Variants in TRIM33 observed in about 807,000 individuals in gnomAD.
TRIM33 encodes tripartite motif containing 33.
A neutral mutation model predicts 125.4 loss-of-function variants in TRIM33; 20 were observed. The observed-to-expected ratio is 0.16, with a 90% confidence interval of 0.11 to 0.23. The LOEUF (loss-of-function observed/expected upper bound fraction) is 0.23, where lower values mean the gene tolerates loss of function less well. TRIM33 is among the 10% of genes least tolerant of loss of function. TRIM33 has a pLI of 1.00. For missense variants in TRIM33, 920 were observed against 1,411.4 expected (o/e 0.65, Z 5.58); for synonymous variants, 564 against 513.9 (o/e 1.10, Z -1.32).
chr1:114,500,586 T>C (rs1181710020), intron 1 of TRIM33, among the ~76,000 whole-genome samples: 4 of 151,042 alleles, frequency 2.6e-5, no homozygotes, highest in African/African-American at 9.8e-5. Context: ...AAGGTTTGTC[T>C]TGGAAAAAGA....
In TRIM33 at chr1:114,395,278, A is replaced by T; in HGVS notation, c.*2370T>A. 1 of 204,952 alleles carries T rather than the reference A, an allele frequency of 4.9e-6. No homozygotes were observed. The highest frequency in any genetic ancestry group is 1.0e-5 in the Non-Finnish European group (1 of 100,110). 12.7% of individuals were successfully genotyped at this position (204,952 alleles called of 1,614,324 possible). On this transcript the variant is annotated 3_prime_UTR_variant, in exon 20 of 20. Transcript: ENST00000358465. Reference sequence around the variant, plus strand: ...TATCTTAACAGAAGTGGAGGCTATTAAATGTTGACAAAAAAGTGGCTTTTA... The same window carrying T: ...TATCTTAACAGAAGTGGAGGCTATTTAATGTTGACAAAAAAGTGGCTTTTA...
chr1:114,503,646 A>G lies in TRIM33; in HGVS notation c.526+6905T>C, dbSNP rs1037396174. 2.6e-5 allele frequency among the ~76,000 whole-genome samples: 4 copies of G among 152,118 alleles called. No homozygotes were observed. The East Asian group carries it at 7.7e-4, about 29-fold the overall frequency. On this transcript the variant is annotated intron_variant, in intron 1 of 19. Transcript: ENST00000358465. ...TTCACGTTCATTAATATCACCACCA[A>G]TCTCTTCAGGAAAGTCTTTAAATAC...
chr1:114,436,820 G>A (rs543653311), intron 4 of TRIM33, among the ~76,000 whole-genome samples: 2 of 152,194 alleles, frequency 1.3e-5, no homozygotes, highest in East Asian at 1.9e-4. Context: ...TTGTTCCTTC[G>A]TGAAAGAGCA....
intron 1 of TRIM33, among the ~76,000 whole-genome samples, chr1:114,507,340 C>T (rs1570692694): frequency 6.6e-6 from 1 of 152,152 alleles, no homozygotes; most frequent in African/African-American, 2.4e-5. Flanking sequence ...GCTGTTGATC[C>T]AGGAACCACA....
intron 1 of TRIM33, among the ~76,000 whole-genome samples, chr1:114,477,931 A>T (rs1651072230): frequency 6.6e-6 from 1 of 152,230 alleles, no homozygotes; most frequent in African/African-American, 2.4e-5. Context: ...AATTTAAAAG[A>T]TAAGTTTACA....
At chr1:114,442,134 C>G (rs1171161639) in intron 4 of TRIM33, among the ~76,000 whole-genome samples, 1 of 152,094 alleles carries the variant, frequency 6.6e-6, no homozygotes, top group African/African-American at 2.4e-5. Flanking sequence ...TAGCAAGGTA[C>G]CTGGTATACG....
intron 4 of TRIM33, among the ~76,000 whole-genome samples, chr1:114,447,533 T>C (rs115036480): frequency 0.01 from 1,581 of 152,284 alleles, 24 homozygotes; most frequent in African/African-American, 0.036. Flanking sequence ...TCAGAGTCTG[T>C]AGGGCAGACA....
chr1:114,495,095 G>A (rs189172136), intron 1 of TRIM33, among the ~76,000 whole-genome samples: 15 of 152,122 alleles, frequency 9.9e-5, no homozygotes, highest in Admixed American at 7.2e-4. Flanking sequence ...TGTATTTTTA[G>A]GTAGAGATGG....
intron 11 of TRIM33, 56 bp downstream of exon 11, chr1:114,421,380 C>A (rs1255722400): frequency 2.7e-6 from 4 of 1,486,754 alleles, no homozygotes; most frequent in South Asian, 1.2e-5. Context: ...AATAAATACT[C>A]TAACTCTGTA....
At chr1:114,445,037 C>T (rs1452438341) in intron 4 of TRIM33, among the ~76,000 whole-genome samples, 1 of 152,060 alleles carries the variant, frequency 6.6e-6, no homozygotes, top group Non-Finnish European at 1.5e-5. Context: ...AAATGAAAAA[C>T]GTCACTGGAT....
rs192792406 is a variant in TRIM33, at chr1:114,407,871, T to G, written c.2259-771A>C. On this transcript the variant is annotated intron_variant, in intron 13 of 19. Coordinates refer to ENST00000358465, the MANE Select transcript of TRIM33 (RefSeq NM_015906.4). Reference sequence around the variant, plus strand: ...TCCTATCTTTCCTATAACCCAATAGTTGATGACAGAAAGCTTCTCTTTACA... The same window carrying G: ...TCCTATCTTTCCTATAACCCAATAGGTGATGACAGAAAGCTTCTCTTTACA... 6.6e-5 allele frequency among the ~76,000 whole-genome samples: 10 copies of G among 152,264 alleles called. No individual in the cohort carries two copies. In the East Asian group the frequency reaches 1.5e-3, roughly 23 times the overall value.
In TRIM33 at chr1:114,394,783, A is replaced by C; in HGVS notation, c.*2865T>G. On this transcript the variant is annotated 3_prime_UTR_variant, in exon 20 of 20. Coordinates refer to ENST00000358465, the MANE Select transcript of TRIM33 (RefSeq NM_015906.4). Reference sequence around the variant, plus strand: ...GCCTCATAAAGCAATTCCTTCACTCAGTGAATTGGCTGAGCCAAGTGCTGA... The same window carrying C: ...GCCTCATAAAGCAATTCCTTCACTCCGTGAATTGGCTGAGCCAAGTGCTGA... 5.0e-6 allele frequency: 1 copy of C among 200,686 alleles called. No individual in the cohort carries two copies. Among genetic ancestry groups the C allele is most frequent in the Non-Finnish European group, 1.0e-5 (1 of 97,160 alleles). 12.4% of individuals were successfully genotyped at this position (200,686 alleles called of 1,614,324 possible). A position where few individuals can be genotyped will look rare whatever the true frequency, so the allele number is the denominator to read the frequency against.
rs114575914 is a variant in TRIM33 at position 114,474,045 on chromosome 1, T to C, written c.527-9657A>G. The stretch of plus-strand genomic sequence containing the variant: ...TCCCAAGTAGTTAGGACTACGGGCA[T>C]ACACCATCACACTCGGTTAGTTTGC... On this transcript the variant is annotated intron_variant, in intron 1 of 19. Coordinates refer to ENST00000358465, the MANE Select transcript of TRIM33 (RefSeq NM_015906.4). Among the ~76,000 whole-genome samples the C allele has an allele frequency of 9.4e-3, 1,432 of 152,022 alleles. 22 individuals are homozygous for C. The highest frequency in any genetic ancestry group is 0.033 in the African/African-American group (1,351 of 41,464).
chr1:114,490,179 T>A (rs990146829), intron 1 of TRIM33, among the ~76,000 whole-genome samples: 9 of 144,098 alleles, frequency 6.2e-5, no homozygotes, highest in African/African-American at 2.3e-4. Flanking sequence ...CAGACTATCA[T>A]AAAGAACTGA....
At chr1:114,422,303 C>T (rs1395518211) in intron 10 of TRIM33, among the ~76,000 whole-genome samples, 2 of 152,066 alleles carry the variant, frequency 1.3e-5, no homozygotes, top group Non-Finnish European at 2.9e-5. Flanking sequence ...TAGAGGTATA[C>T]CCAAAGTCTA....
At chr1:114,495,307 T>A (rs1452868837) in intron 1 of TRIM33, among the ~76,000 whole-genome samples, 1 of 152,198 alleles carries the variant, frequency 6.6e-6, no homozygotes, top group African/African-American at 2.4e-5. Flanking sequence ...TGAAGGCATC[T>A]GAGTTTGTGC....
At chr1:114,439,357 A>G (rs1462807946) in intron 4 of TRIM33, among the ~76,000 whole-genome samples, 1 of 151,476 alleles carries the variant, frequency 6.6e-6, no homozygotes, top group African/African-American at 2.4e-5. Context: ...CTGTAATCCC[A>G]GCTACTCAGG....
At position 114,430,841 on chromosome 1, in the gene TRIM33, T is replaced by C. The variant is rs936382298; in HGVS notation, c.1112A>G (p.Asn371Ser). The change falls in exon 6 of 20, where the codon AAT becomes AGT. Residue 371 changes from asparagine (N) to serine (S), a missense_variant. Coordinates refer to ENST00000358465, the MANE Select transcript of TRIM33 (RefSeq NM_015906.4). The stretch of plus-strand genomic sequence containing the variant: ...AGATTTTCCTTTCTTATTAATTTCA[T>C]TGATAAGGGTGAAAATGGCCACTTT... The part of the protein sequence containing the change: ...EIKVAIFTLI[N>S]EINKKGKSLL... The C allele has an allele frequency of 3.7e-6, 6 of 1,609,828 alleles. No individual in the cohort carries two copies. Among genetic ancestry groups the C allele is most frequent in the Non-Finnish European group, 5.1e-6 (6 of 1,176,390 alleles).
Position 114,505,480 on chromosome 1 carries a change from G to A in TRIM33, c.526+5071C>T, listed in dbSNP as rs559859339. On this transcript the variant is annotated intron_variant, in intron 1 of 19. Transcript: ENST00000358465. ...AAACAGACAGAAACACTATGAGGAA[G>A]TGCTCTTCACACTACACTCAGAGGT... Among the ~76,000 whole-genome samples, 261 of 152,144 alleles carry A rather than the reference G, an allele frequency of 1.7e-3. 1 individual carries two copies. The highest frequency in any genetic ancestry group is 7.9e-3 in the South Asian group (38 of 4,806).
Sources: allele counts gnomAD v4.1 joint callset (sites outside exome capture counted in the v4.1 genomes callset), GRCh38; gene constraint gnomAD v4.1.1; transcripts MANE v1.5; gene names NCBI Gene and HGNC (gene_info 2026-07-23, HGNC 2026-07-21).